CRYBG2: variants seen among roughly 807,000 people sequenced by gnomAD.
The protein encoded by CRYBG2 is beta/gamma crystallin domain-containing protein 2.
In CRYBG2, 106 loss-of-function variants were observed where a neutral mutation model predicts 153.4. The ratio of observed to expected loss-of-function variants is 0.69; its 90% CI spans 0.59 to 0.81. CRYBG2 has a LOEUF of 0.81. Among genes scored for constraint, CRYBG2 ranks in the 30% least tolerant of loss-of-function variants. The pLI, the probability that CRYBG2 is intolerant of heterozygous loss-of-function variation, is 0.00. For missense variants in CRYBG2, 1,996 were observed against 2,112.0 expected (o/e 0.95, Z 1.08); for synonymous variants, 851 against 877.8 (o/e 0.97, Z 0.54).
At chr1:26,339,500 C>G (rs6675432) in intron 5 of CRYBG2, 71 bp from the exon 6 acceptor site, 937,844 of 1,563,014 alleles carry the variant, frequency 0.6, 287,790 homozygotes, top group Non-Finnish European at 0.63. Context: ...GTAATCCCAG[C>G]ACTTTGGGAG....
rs148145807 is a variant in CRYBG2 at position 26,341,728 on chromosome 1, C to T, written c.3204+1026G>A. Among the ~76,000 whole-genome samples, 229 of 152,236 alleles carry T rather than the reference C, an allele frequency of 1.5e-3. 1 individual carries two copies. Among genetic ancestry groups the T allele is most frequent in the African/African-American group, 5.1e-3 (213 of 41,562 alleles). ...TCTTGAACTCCTGACCTCAGGTGAT[C>T]CCCCAACTTGGCCTCCCAAAGTGCT... On this transcript the variant is annotated intron_variant, in intron 5 of 19. Coordinates refer to ENST00000308182, the MANE Select transcript of CRYBG2 (RefSeq NM_001039775.4).
At chr1:26,331,236 A>G (rs1370988824) in intron 15 of CRYBG2, among the ~76,000 whole-genome samples, 2 of 152,040 alleles carry the variant, frequency 1.3e-5, no homozygotes, top group East Asian at 1.9e-4. Flanking sequence ...CTTTATGTCT[A>G]TGGGATCATG....
chr1:26,348,262 T>C (rs2124049578), intron 1 of CRYBG2, among the ~76,000 whole-genome samples: 1 of 152,314 alleles, frequency 6.6e-6, no homozygotes, highest in Admixed American at 6.5e-5. Context: ...TAGGTCTAAA[T>C]GGAGCCTCTC....
chr1:26,339,382 C>G lies in CRYBG2; in HGVS notation c.3252G>C (p.Lys1084Asn), dbSNP rs142035096. Residue 1084 changes from lysine to asparagine, a missense_variant, in exon 6 of 20, where the codon AAG becomes AAC. Lys to Asn is a moderately conservative substitution (Grantham distance 94). Transcript: ENST00000308182. ...CCTCTGTTAGCTTCACTTGCTCCCC[C>G]TTGAGGCCCTCCTCAGAGAAGAGGC... ...EISLFSEEGL[K>N]GEQVKLTEAL... The G allele has an allele frequency of 0.013, 21,610 of 1,614,210 alleles. 190 individuals are homozygous for G. The highest frequency in any genetic ancestry group is 0.014 in the Non-Finnish European group (16,825 of 1,180,040).
intron 1 of CRYBG2, among the ~76,000 whole-genome samples, chr1:26,351,479 G>A (rs867840491): frequency 3.2e-4 from 49 of 152,236 alleles, no homozygotes; most frequent in African/African-American, 1.1e-3. Context: ...CAGAACCAGA[G>A]CCAACTTTCT....
intron 17 of CRYBG2, among the ~76,000 whole-genome samples, chr1:26,324,520 A>T (rs2073901069): frequency 6.6e-6 from 1 of 151,846 alleles, no homozygotes; most frequent in South Asian, 2.1e-4. Flanking sequence ...ACACACACAC[A>T]CACACACACA....
Position 26,345,439 on chromosome 1 carries a change from T to G in CRYBG2, c.1219A>C (p.Met407Leu). ...ACTGTCACATGCTCGCTCCTCACCA[T>G]GGGCAGGACGGTGGCAGCAGGGGGG... is the stretch of plus-strand genomic sequence containing the variant. ...VDPPAATVLPMVRSEHVTVPG... is the reference protein window; with the variant it reads ...VDPPAATVLPLVRSEHVTVPG... Residue 407 changes from methionine to leucine, a missense_variant, in exon 2 of 20, where the codon ATG (methionine) becomes CTG (leucine). By Grantham distance (15) the Met-to-Leu change is conservative (BLOSUM62 2). Coordinates refer to ENST00000308182, the MANE Select transcript of CRYBG2 (RefSeq NM_001039775.4). The G allele has an allele frequency of 6.2e-7, 1 of 1,604,260 alleles. No individual in the cohort carries two copies.
At chr1:26,326,173 T>G (rs1290978798) in intron 17 of CRYBG2, among the ~76,000 whole-genome samples, 2 of 151,620 alleles carry the variant, frequency 1.3e-5, no homozygotes, top group East Asian at 3.9e-4. Context: ...ATTACAGGAG[T>G]GAGCCACCGC....
In CRYBG2 at chr1:26,336,417, A is replaced by AG; in HGVS notation, c.4039-48dup. 6.2e-7 allele frequency: 1 copy of AG among 1,604,858 alleles called. No individual in the cohort carries two copies. The highest frequency in any genetic ancestry group is 1.1e-5 in the South Asian group (1 of 89,446). ...AGAATTAGGGAGGGTGCCGGCCCCT[A>AG]GCCTTGTCTTCTCTAGGTTTCAGTA... On this transcript the variant is annotated intron_variant, in intron 12 of 19. Transcript: ENST00000308182. The surrounding 1 kb of genome is among the most constrained non-coding windows in gnomAD (Gnocchi z 4.9).
chr1:26,333,250 T>C (rs1231425172), intron 14 of CRYBG2, among the ~76,000 whole-genome samples: 4 of 151,980 alleles, frequency 2.6e-5, no homozygotes, highest in Admixed American at 2.0e-4. Context: ...TGAGACCCCA[T>C]GATGGGATTA....
At chr1:26,333,052 C>CAAAAAAAAAAAAAAAA (rs2074017107) in intron 14 of CRYBG2, among the ~76,000 whole-genome samples, 1 of 28,994 alleles carries the variant, frequency 3.4e-5, no homozygotes, top group Non-Finnish European at 1.1e-4. Flanking sequence ...AAAAAGATTT[C>CAAAAAAAAAAAAAAAA]TAACAGCGGG....
rs777254968 is a variant in CRYBG2 at position 26,345,211 on chromosome 1, C to A, written c.1447G>T (p.Gly483Trp). 3.4e-6 allele frequency: 5 copies of A among 1,480,058 alleles called. No homozygotes were observed. The South Asian group carries it at 4.9e-5, about 14-fold the overall frequency. The allele number at this position is 1,480,058 out of a possible 1,614,324, so 91.7% of individuals were successfully genotyped here. Residue 483 changes from glycine (G) to tryptophan (W), a missense_variant, in exon 2 of 20, where the codon GGG becomes TGG. Transcript: ENST00000308182. ...SSPTRKEVVQ[G>W]SSASAASSPT... is the part of the protein sequence containing the mutation. ...GACGAGGCAGCAGAAGCACTGGACC[C>A]CTGCACCACCTCCTTCCGGGTGGGA...
At chr1:26,326,749 G>T in intron 17 of CRYBG2, 1 of 426,288 alleles carries the variant, frequency 2.3e-6, no homozygotes, top group Non-Finnish European at 4.7e-6. Flanking sequence ...ACAAAACTAG[G>T]CTGTCCTGAG....
At chr1:26,349,775 G>T (rs2074267463) in intron 1 of CRYBG2, among the ~76,000 whole-genome samples, 1 of 149,234 alleles carries the variant, frequency 6.7e-6, no homozygotes, top group East Asian at 2.0e-4. Context: ...TGGTTTAATG[G>T]ATTAATGAGT....
chr1:26,345,129 G>A lies in CRYBG2; in HGVS notation c.1529C>T (p.Thr510Ile). 1.9e-6 allele frequency: 2 copies of A among 1,066,676 alleles called. No individual in the cohort carries two copies. Among genetic ancestry groups the A allele is most frequent in the South Asian group, 3.4e-5 (2 of 58,140 alleles). 66.1% of individuals were successfully genotyped at this position (1,066,676 alleles called of 1,614,324 possible). Reference sequence around the variant, plus strand: ...GGACCCCTGCACCACCTCCTTCTGGGTGGGAGATGAGGCAGCAGGAGCACC... The same window carrying A: ...GGACCCCTGCACCACCTCCTTCTGGATGGGAGATGAGGCAGCAGGAGCACC... ...GPGAPAASSP[T>I]QKEVVQGSSA... is the part of the protein sequence containing the mutation. The change falls in exon 2 of 20, where the codon ACC (threonine) becomes ATC (isoleucine). Residue 510 changes from threonine (T) to isoleucine (I), a missense_variant. Coordinates refer to ENST00000308182, the MANE Select transcript of CRYBG2 (RefSeq NM_001039775.4).
rs1174846003 is a variant in CRYBG2, at chr1:26,343,301, G to A, written c.2914-8C>T. ...GGTCTTTAAGGCTGGGCTCTGAAAC[G>A]GAGGCAGGTGATAAAGAAGTCCTGT... is the stretch of plus-strand genomic sequence containing the variant. On this transcript the variant is annotated splice_region_variant and splice_polypyrimidine_tract_variant and intron_variant, in intron 2 of 19. Coordinates refer to ENST00000308182, the MANE Select transcript of CRYBG2 (RefSeq NM_001039775.4). The surrounding 1 kb of genome is among the most constrained non-coding windows in gnomAD (Gnocchi z 4.1). The A allele has an allele frequency of 1.2e-5, 18 of 1,549,978 alleles. No homozygotes were observed. The highest frequency in any genetic ancestry group is 3.3e-4 in the Middle Eastern group (2 of 6,014).
chr1:26,343,892 G>C lies in CRYBG2; in HGVS notation c.2766C>G (p.Thr922=), dbSNP rs368646502. 2.6e-6 allele frequency: 4 copies of C among 1,527,500 alleles called. No homozygotes were observed. In the South Asian group the frequency reaches 5.0e-5, roughly 19 times the overall value. 94.6% of individuals were successfully genotyped at this position (1,527,500 alleles called of 1,614,324 possible). ...ATAGTTTTGTGCCCAGCGGTTCCGG[G>C]GTGGAGGCCTCCTTGGCGGTAGGCA... ...SLVPTAKEAS[T]PEPLGTKLSA... Residue 922 remains threonine (T), a synonymous_variant, in exon 2 of 20, where the codon ACC becomes ACG. Coordinates refer to ENST00000308182, the MANE Select transcript of CRYBG2 (RefSeq NM_001039775.4). This position sits in a 1 kb window ranked among gnomAD's most constrained non-coding sequence, Gnocchi z 4.1.
In CRYBG2 at chr1:26,346,404, G is replaced by A; in HGVS notation, c.254C>T (p.Ala85Val). ...TVNCQGPRDTAGSKNFQSHGP... is the reference protein window; with the variant it reads ...TVNCQGPRDTVGSKNFQSHGP... ...ATGGCTCTGGAAGTTCTTGGAGCCA[G>A]CTGTATCCCGAGGGCCCTGGCAATT... The change falls in exon 2 of 20, where the codon GCT (alanine) becomes GTT (valine). Residue 85 changes from alanine (A) to valine (V), a missense_variant. Transcript: ENST00000308182. The surrounding 1 kb of genome is among the most constrained non-coding windows in gnomAD (Gnocchi z 4.9). 6.3e-7 allele frequency: 1 copy of A among 1,599,944 alleles called. No homozygotes were observed. Among genetic ancestry groups the A allele is most frequent in the African/African-American group, 1.3e-5 (1 of 75,030 alleles).
Position 26,343,065 on chromosome 1 carries a change from A to T in CRYBG2, c.3056T>A (p.Ile1019Lys). 2.6e-6 allele frequency: 4 copies of T among 1,550,226 alleles called. No individual in the cohort carries two copies. The highest frequency in any genetic ancestry group is 3.5e-6 in the Non-Finnish European group (4 of 1,146,838). ...DASGWAPVAS[I>K]RVVRGCWVLY... ...CACTCACCAGCCTCGAACTACCCTT[A>T]TGGAGGCTACGGGGGCCCAGCCTGA... Residue 1019 changes from isoleucine to lysine, a missense_variant, in exon 4 of 20, where the codon ATA (isoleucine) becomes AAA (lysine). Coordinates refer to ENST00000308182, the MANE Select transcript of CRYBG2 (RefSeq NM_001039775.4). This position sits in a 1 kb window ranked among gnomAD's most constrained non-coding sequence, Gnocchi z 4.1.
Sources: gnomAD v4.1 joint callset for allele counts (sites outside exome capture counted in the v4.1 genomes callset) on GRCh38, gnomAD v4.1.1 for gene constraint, Gnocchi (gnomAD v3.1) non-coding constraint, MANE v1.5 for transcripts, NCBI Gene and HGNC (gene_info 2026-07-23, HGNC 2026-07-21) for gene names.